PDE1A: variants seen among roughly 807,000 people sequenced by gnomAD.
PDE1A encodes the protein phosphodiesterase 1A.
Under a neutral mutation model 61.7 loss-of-function variants are expected in PDE1A, and 35 were observed. That is an observed-to-expected ratio of 0.57 (90% CI 0.43 to 0.75). The LOEUF (loss-of-function observed/expected upper bound fraction) is 0.75. PDE1A is among the 30% of genes least tolerant of loss of function. The pLI is 0.00. For synonymous variants in PDE1A, 232 were observed against 213.2 expected (o/e 1.09, Z -0.77); for missense variants, 597 against 630.6 (o/e 0.95, Z 0.57).
the PDE1A span, among the ~76,000 whole-genome samples, chr2:182,623,407 A>C: frequency 6.6e-6 from 1 of 152,328 alleles, no homozygotes; most frequent in East Asian, 1.9e-4. Flanking sequence ...GACAGAAAAA[A>C]AACATTAAAG....
chr2:182,686,743 C>A, the PDE1A span, among the ~76,000 whole-genome samples: 1 of 152,208 alleles, frequency 6.6e-6, no homozygotes, highest in African/African-American at 2.4e-5. Flanking sequence ...TCACCTTACC[C>A]GGGAAACGCA....
the PDE1A span, among the ~76,000 whole-genome samples, chr2:182,714,070 C>T: frequency 3.3e-4 from 51 of 152,310 alleles, no homozygotes; most frequent in African/African-American, 1.1e-3. Context: ...CTCTGATCAT[C>T]TCTTTTTTAC....
chr2:182,431,545 G>A (rs1038109598), upstream of PDE1A, among the ~76,000 whole-genome samples: 4 of 152,130 alleles, frequency 2.6e-5, no homozygotes, highest in African/African-American at 9.7e-5. Flanking sequence ...ATAAGTGAGT[G>A]ACAGTAGAAT....
At chr2:182,346,053 T>A (rs894937965) in intron 1 of PDE1A, among the ~76,000 whole-genome samples, 1 of 152,238 alleles carries the variant, frequency 6.6e-6, no homozygotes, top group African/African-American at 2.4e-5. Context: ...GAATATATTA[T>A]CATCAGGCTT....
chr2:182,437,406 A>C (rs1684501152), intron 2 of PDE1A, among the ~76,000 whole-genome samples: 1 of 151,946 alleles, frequency 6.6e-6, no homozygotes, highest in South Asian at 2.1e-4. Flanking sequence ...AAATCACTTC[A>C]TAAGATGTTT....
the PDE1A span, among the ~76,000 whole-genome samples, chr2:182,535,229 T>A: frequency 6.6e-6 from 1 of 152,082 alleles, no homozygotes; most frequent in East Asian, 1.9e-4. Flanking sequence ...AAGTGCTTTT[T>A]CCAGGCATAC....
At chr2:182,428,802 G>C (rs1161088277), upstream of PDE1A, among the ~76,000 whole-genome samples, 1 of 152,062 alleles carries the variant, frequency 6.6e-6, no homozygotes. Flanking sequence ...GAAAATTCAA[G>C]AAAATAATAA....
At chr2:182,596,512 G>A in the PDE1A span, among the ~76,000 whole-genome samples, 6 of 152,300 alleles carry the variant, frequency 3.9e-5, no homozygotes, top group South Asian at 2.1e-4. Flanking sequence ...CCAAAGTGGC[G>A]ATACTCTTCA....
At chr2:182,688,290 T>A in the PDE1A span, among the ~76,000 whole-genome samples, 1 of 152,130 alleles carries the variant, frequency 6.6e-6, no homozygotes, top group Non-Finnish European at 1.5e-5. Flanking sequence ...AAGATCCGGT[T>A]ACCCACAAAG....
intron 1 of PDE1A, among the ~76,000 whole-genome samples, chr2:182,277,596 G>A (rs1693517733): frequency 6.6e-6 from 1 of 151,996 alleles, no homozygotes; most frequent in Non-Finnish European, 1.5e-5. Flanking sequence ...TTGGCAAGAC[G>A]AATTTCTGAT....
At chr2:182,433,914 T>C (rs1428904931) in intron 2 of PDE1A, among the ~76,000 whole-genome samples, 1 of 152,082 alleles carries the variant, frequency 6.6e-6, no homozygotes, top group Non-Finnish European at 1.5e-5. Flanking sequence ...TGCTCATTGC[T>C]CAGATATCAT....
At chr2:182,538,326 T>C in the PDE1A span, among the ~76,000 whole-genome samples, 1 of 152,100 alleles carries the variant, frequency 6.6e-6, no homozygotes, top group Non-Finnish European at 1.5e-5. Context: ...TTTTGATACA[T>C]GTACAGAAAT....
intron 13 of PDE1A, among the ~76,000 whole-genome samples, chr2:182,153,938 G>A (rs1266126356): frequency 1.3e-5 from 2 of 152,192 alleles, no homozygotes; most frequent in Non-Finnish European, 2.9e-5. Flanking sequence ...CTGCACTTGA[G>A]TGTGAGAGAA....
intron 1 of PDE1A, among the ~76,000 whole-genome samples, chr2:182,331,191 C>G (rs1697383952): frequency 6.6e-6 from 1 of 152,150 alleles, no homozygotes; most frequent in African/African-American, 2.4e-5. Flanking sequence ...CTATAAACAT[C>G]ATACTGACTT....
At chr2:182,648,511 C>CAAAAAAAAA in the PDE1A span, among the ~76,000 whole-genome samples, 21 of 76,188 alleles carry the variant, frequency 2.8e-4, no homozygotes, top group African/African-American at 4.7e-4. Context: ...CCTGTCCCCA[C>CAAAAAAAAA]AAAAAAAAAA....
the PDE1A span, among the ~76,000 whole-genome samples, chr2:182,608,501 C>A: frequency 2.0e-5 from 3 of 152,200 alleles, no homozygotes; most frequent in Non-Finnish European, 2.9e-5. Flanking sequence ...CAGGCGCTTG[C>A]GGGCCAGCGC....
intron 6 of PDE1A, among the ~76,000 whole-genome samples, chr2:182,227,195 G>A (rs1689210510): frequency 6.6e-6 from 1 of 152,046 alleles, no homozygotes; most frequent in Non-Finnish European, 1.5e-5. Context: ...GGTTTCAAAA[G>A]TAGGATTTCT....
rs147313356 is a variant in PDE1A, at chr2:182,479,489, G to A, written c.101+42787C>T. Among the ~76,000 whole-genome samples the A allele has an allele frequency of 9.5e-3, 1,443 of 151,760 alleles. 17 individuals are homozygous for A. The highest frequency in any genetic ancestry group is 0.033 in the African/African-American group (1,355 of 41,426). The stretch of plus-strand genomic sequence containing the variant: ...ATTTTACCCTCTTCTTCATAAAAAG[G>A]AAAAATAGGGAAGAAAGGCAGGCAG... On this transcript the variant is annotated intron_variant, in intron 2 of 14. Transcript: ENST00000410103.
rs138964055 is a variant in PDE1A, at chr2:182,512,209, G to A, written c.101+10067C>T. 1.3e-3 allele frequency among the ~76,000 whole-genome samples: 201 copies of A among 152,258 alleles called. 1 individual carries two copies. Among genetic ancestry groups the A allele is most frequent in the African/African-American group, 4.5e-3 (186 of 41,556 alleles). Reference sequence around the variant, plus strand: ...GCACCTTTCTCCCCATCAGAATGTTGTTGCCAGTGAACTGGAAACACCTCA... The same window carrying A: ...GCACCTTTCTCCCCATCAGAATGTTATTGCCAGTGAACTGGAAACACCTCA... On this transcript the variant is annotated intron_variant, in intron 2 of 14. Transcript: ENST00000410103.
Sources: gnomAD v4.1 joint callset for allele counts (sites outside exome capture counted in the v4.1 genomes callset) on GRCh38, gnomAD v4.1.1 for gene constraint, MANE v1.5 for transcripts, NCBI Gene and HGNC (gene_info 2026-07-23, HGNC 2026-07-21) for gene names.